BABAM2: variants seen among roughly 807,000 people sequenced by gnomAD.
BABAM2 encodes BRISC and BRCA1-A complex member 2.
In BABAM2, 31 loss-of-function variants were observed where a neutral mutation model predicts 54.7. The ratio of observed to expected loss-of-function variants is 0.57; its 90% CI spans 0.43 to 0.77. The LOEUF is 0.77. BABAM2 is among the 30% of genes least tolerant of loss of function. The probability of loss-of-function intolerance (pLI) is 0.00; values close to 1 mark genes in which losing one functional copy is unlikely to be tolerated. For missense variants in BABAM2, 364 were observed against 455.8 expected (o/e 0.80, Z 1.83); for synonymous variants, 167 against 162.9 (o/e 1.03, Z -0.19).
chr2:28,140,662 A>G (rs1670963678), intron 7 of BABAM2, among the ~76,000 whole-genome samples: 2 of 152,212 alleles, frequency 1.3e-5, no homozygotes, highest in South Asian at 4.1e-4. Flanking sequence ...TCACAACAGT[A>G]TAAGTATATA....
chr2:27,919,256 A>C (rs1225568101), intron 2 of BABAM2, among the ~76,000 whole-genome samples: 1 of 152,210 alleles, frequency 6.6e-6, no homozygotes, highest in East Asian at 1.9e-4. Context: ...CCAATAGTGC[A>C]TATGAACATT....
chr2:27,994,067 A>C (rs1449156028), intron 4 of BABAM2, among the ~76,000 whole-genome samples: 1 of 152,200 alleles, frequency 6.6e-6, no homozygotes, highest in Non-Finnish European at 1.5e-5. Context: ...CTCATTTTTC[A>C]AATCTCCATT....
At chr2:28,144,939 G>A (rs557416737) in intron 7 of BABAM2, among the ~76,000 whole-genome samples, 3 of 152,264 alleles carry the variant, frequency 2.0e-5, no homozygotes, top group African/African-American at 7.2e-5. Context: ...AGGGGGCTCC[G>A]GACCATGGAG....
chr2:28,250,584 C>CTTTTTTTTTTTTTTTTTTTTT (rs34597279), intron 10 of BABAM2, among the ~76,000 whole-genome samples: 11 of 137,000 alleles, frequency 8.0e-5, no homozygotes, highest in Admixed American at 1.5e-4. Context: ...ATATTTTTTT[C>CTTTTTTTTTTTTTTTTTTTTT]TTTTTTTTTT....
At chr2:28,051,718 G>A (rs958516943) in intron 6 of BABAM2, among the ~76,000 whole-genome samples, 1 of 151,616 alleles carries the variant, frequency 6.6e-6, no homozygotes, top group African/African-American at 2.4e-5. Context: ...GCTCCATCTC[G>A]GCTCACTGCA....
rs747609104 is a variant in BABAM2, at chr2:28,241,365, A to G, written c.823A>G (p.Ile275Val). Residue 275 changes from isoleucine (I) to valine (V), a missense_variant, in exon 9 of 12, where the codon ATT becomes GTT. Transcript: ENST00000379624. ...IQGYHKRREY[I>V]AAFLSHFGTG... ...AGGGTATCACAAAAGAAGAGAGTAT[A>G]TTGCTGCTTTTCTCAGTCACTTTGG... 1.2e-6 allele frequency: 2 copies of G among 1,614,102 alleles called. No individual in the cohort carries two copies. The highest frequency in any genetic ancestry group is 1.7e-6 in the Non-Finnish European group (2 of 1,180,000).
intron 6 of BABAM2, among the ~76,000 whole-genome samples, chr2:28,068,163 T>C (rs1228683606): frequency 6.6e-6 from 1 of 152,192 alleles, no homozygotes; most frequent in East Asian, 1.9e-4. Context: ...TACATATATA[T>C]TACTTAGTAT....
chr2:28,206,064 A>G (rs1007951138), intron 7 of BABAM2, among the ~76,000 whole-genome samples: 1 of 152,146 alleles, frequency 6.6e-6, no homozygotes, highest in African/African-American at 2.4e-5. Context: ...TTTCCAGGTA[A>G]AGGGGCCTAC....
chr2:28,197,045 C>T (rs1052904962), intron 7 of BABAM2, among the ~76,000 whole-genome samples: 10 of 151,594 alleles, frequency 6.6e-5, no homozygotes, highest in African/African-American at 2.2e-4. Context: ...TGGGATCTCG[C>T]TATGTGTGTA....
chr2:28,221,881 T>A (rs1680450230), intron 7 of BABAM2, among the ~76,000 whole-genome samples: 1 of 152,130 alleles, frequency 6.6e-6, no homozygotes, highest in South Asian at 2.1e-4. Context: ...AGCTTAACAG[T>A]TTCAGAATGT....
chr2:28,007,035 C>CT (rs200387334), intron 4 of BABAM2, among the ~76,000 whole-genome samples: 35 of 150,780 alleles, frequency 2.3e-4, no homozygotes, highest in South Asian at 1.3e-3. Context: ...ATAATTTGAT[C>CT]TTTTTTTTTG....
intron 11 of BABAM2, chr2:28,308,454 A>G: frequency 1.9e-6 from 1 of 528,768 alleles, no homozygotes. Context: ...ACTTGTGTCC[A>G]TTGTGGATGT....
intron 7 of BABAM2, among the ~76,000 whole-genome samples, chr2:28,206,926 G>A (rs1046107128): frequency 2.0e-5 from 3 of 152,272 alleles, no homozygotes; most frequent in African/African-American, 7.2e-5. Context: ...GAGAGGGAAA[G>A]AATAGCATCT....
At chr2:28,131,576 A>T (rs1254268906) in intron 7 of BABAM2, among the ~76,000 whole-genome samples, 1 of 152,066 alleles carries the variant, frequency 6.6e-6, no homozygotes, top group Non-Finnish European at 1.5e-5. Context: ...TAGACATAAT[A>T]ATACCTATTT....
Position 27,908,922 on chromosome 2 carries a change from C to T in BABAM2, c.128+14238C>T, listed in dbSNP as rs979473437. Among the ~76,000 whole-genome samples, 14 of 152,032 alleles carry T rather than the reference C, an allele frequency of 9.2e-5. 1 individual carries two copies. ...CCAACACTTATTACTTTCTGTTTTT[C>T]TTTGTTTTTGTTTTTGTTTTCATAG... On this transcript the variant is annotated intron_variant, in intron 2 of 11. Coordinates refer to ENST00000379624, the MANE Select transcript of BABAM2 (RefSeq NM_199191.3).
At chr2:27,894,410 A>C (rs541972001) in intron 1 of BABAM2, 123 bp from the exon 2 acceptor site, 1 of 965,102 alleles carries the variant, frequency 1.0e-6, no homozygotes, top group African/African-American at 1.6e-5. Context: ...GCTGCGCTAG[A>C]GATGGGAAAT....
chr2:28,294,588 A>T (rs1687536384), intron 10 of BABAM2, among the ~76,000 whole-genome samples: 1 of 152,212 alleles, frequency 6.6e-6, no homozygotes, highest in African/African-American at 2.4e-5. Context: ...TTTGGGGATA[A>T]GGAAAGCAAG....
intron 6 of BABAM2, among the ~76,000 whole-genome samples, chr2:28,127,589 TG>T (rs1381849189): frequency 6.6e-6 from 1 of 152,062 alleles, no homozygotes; most frequent in Non-Finnish European, 1.5e-5. Flanking sequence ...TTTTTTAGGA[TG>T]GGAGAGACTT....
At chr2:28,218,376 G>A (rs757069393) in intron 7 of BABAM2, among the ~76,000 whole-genome samples, 2 of 152,124 alleles carry the variant, frequency 1.3e-5, no homozygotes, top group African/African-American at 4.8e-5. Context: ...CAGGATCCAA[G>A]CCAGATCACA....
Sources: gnomAD v4.1 joint callset for allele counts (sites outside exome capture counted in the v4.1 genomes callset) on GRCh38, gnomAD v4.1.1 for gene constraint, MANE v1.5 for transcripts, NCBI Gene and HGNC (gene_info 2026-07-23, HGNC 2026-07-21) for gene names.